The following APBA1 variants were observed in gnomAD, a reference collection of about 807,000 sequenced individuals.
The protein encoded by APBA1 is amyloid-beta A4 precursor protein-binding family A member 1.
Under a neutral mutation model 86.6 loss-of-function variants are expected in APBA1, and 55 were observed. That is an observed-to-expected ratio of 0.64 (90% CI 0.51 to 0.80). APBA1 has a LOEUF of 0.80. APBA1 is among the 30% of genes least tolerant of loss of function. The probability of loss-of-function intolerance (pLI) is 0.00; values close to 1 mark genes in which losing one functional copy is unlikely to be tolerated. For synonymous variants in APBA1, 511 were observed against 493.9 expected (o/e 1.03, Z -0.46); for missense variants, 1,090 against 1,183.0 (o/e 0.92, Z 1.15).
At chr9:69,434,960 A>C (rs1288649316) in intron 11 of APBA1, among the ~76,000 whole-genome samples, 3 of 85,970 alleles carry the variant, frequency 3.5e-5, no homozygotes, top group Non-Finnish European at 4.3e-5. Flanking sequence ...CCCACCCCAC[A>C]ACAGTCCCCA....
At chr9:69,525,030 TC>T in intron 1 of APBA1, among the ~76,000 whole-genome samples, 1 of 152,194 alleles carries the variant, frequency 6.6e-6, no homozygotes, top group East Asian at 1.9e-4. Context: ...AAATCCAACA[TC>T]CCTTCATGAT....
intron 7 of APBA1, 72 bp from the exon 8 acceptor site, chr9:69,456,504 A>G (rs775939545): frequency 3.0e-4 from 430 of 1,456,062 alleles, no homozygotes; most frequent in Non-Finnish European, 3.5e-4. Flanking sequence ...CTGCCACCTT[A>G]CAGCCAGTCA....
intron 8 of APBA1, 54 bp downstream of exon 8, chr9:69,456,193 C>A: frequency 6.3e-7 from 1 of 1,585,130 alleles, no homozygotes; most frequent in African/African-American, 1.3e-5. Context: ...GAATCAGGTT[C>A]TGAGAAGTCA....
At chr9:69,469,728 C>T (rs1018579917) in intron 4 of APBA1, among the ~76,000 whole-genome samples, 4 of 152,126 alleles carry the variant, frequency 2.6e-5, no homozygotes, top group African/African-American at 9.7e-5. Flanking sequence ...AATATATGAA[C>T]AGGTCTGAAT....
intron 1 of APBA1, among the ~76,000 whole-genome samples, chr9:69,548,301 T>C (rs1836729196): frequency 6.6e-6 from 1 of 152,146 alleles, no homozygotes; most frequent in Non-Finnish European, 1.5e-5. Context: ...AGTAAGAAAA[T>C]GGATCATCCC....
intron 1 of APBA1, among the ~76,000 whole-genome samples, chr9:69,614,780 G>T (rs569247695): frequency 2.6e-5 from 4 of 152,306 alleles, no homozygotes; most frequent in African/African-American, 9.6e-5. Context: ...TACTAATCAA[G>T]ATGAAGCAGA....
chr9:69,490,472 A>G (rs1243846066), intron 2 of APBA1, among the ~76,000 whole-genome samples: 5 of 151,924 alleles, frequency 3.3e-5, no homozygotes, highest in Non-Finnish European at 5.9e-5. Context: ...CTTAAAGTAT[A>G]ATAATAATAA....
rs542433576 is a variant in APBA1, at chr9:69,428,342, C to T, written c.*2985G>A. The T allele has an allele frequency of 6.6e-6, 1 of 152,444 alleles. No individual in the cohort carries two copies. Among genetic ancestry groups the T allele is most frequent in the East Asian group, 1.9e-4 (1 of 5,178 alleles). 9.4% of individuals were successfully genotyped at this position (152,444 alleles called of 1,614,324 possible). On this transcript the variant is annotated 3_prime_UTR_variant, in exon 13 of 13. Transcript: ENST00000265381. ...ACCCCTGCCATGCACTCCTAGGAGC[C>T]TGCTCTGGCGAGGGAAGGTGTCGCT...
intron 1 of APBA1, among the ~76,000 whole-genome samples, chr9:69,660,862 C>G (rs1459717905): frequency 3.9e-5 from 6 of 151,954 alleles, no homozygotes; most frequent in African/African-American, 1.5e-4. Flanking sequence ...TTTGAAAGGA[C>G]AAGAGAGATG....
At chr9:69,568,657 G>A in intron 1 of APBA1, among the ~76,000 whole-genome samples, 1 of 152,134 alleles carries the variant, frequency 6.6e-6, no homozygotes, top group East Asian at 1.9e-4. Context: ...GTCATCTGAG[G>A]GTCTTGATAA....
At chr9:69,621,415 A>G (rs1166262790) in intron 1 of APBA1, among the ~76,000 whole-genome samples, 1 of 152,144 alleles carries the variant, frequency 6.6e-6, no homozygotes, top group Non-Finnish European at 1.5e-5. Flanking sequence ...CCACCTTTCC[A>G]GTCAACCAGC....
intron 6 of APBA1, among the ~76,000 whole-genome samples, chr9:69,457,438 C>G (rs141304433): frequency 5.3e-5 from 8 of 152,332 alleles, no homozygotes; most frequent in African/African-American, 9.6e-5. Flanking sequence ...GTGGCCCTCT[C>G]TGTAAGGGTT....
chr9:69,506,182 A>G (rs1835960192), intron 2 of APBA1, among the ~76,000 whole-genome samples: 1 of 151,878 alleles, frequency 6.6e-6, no homozygotes, highest in Non-Finnish European at 1.5e-5. Flanking sequence ...AGGGAGTGCC[A>G]GACAGTGGGC....
At chr9:69,534,020 A>G (rs1836470823) in intron 1 of APBA1, among the ~76,000 whole-genome samples, 1 of 152,260 alleles carries the variant, frequency 6.6e-6, no homozygotes, top group Non-Finnish European at 1.5e-5. Context: ...TCTACTAAAC[A>G]AAAGAAAATA....
intron 10 of APBA1, among the ~76,000 whole-genome samples, chr9:69,444,506 C>T (rs1834876548): frequency 6.6e-6 from 1 of 152,188 alleles, no homozygotes; most frequent in Non-Finnish European, 1.5e-5. Context: ...TGGCCCTTCT[C>T]CCACCTCAAT....
At chr9:69,486,925 A>G (rs1835620506) in intron 2 of APBA1, among the ~76,000 whole-genome samples, 1 of 151,154 alleles carries the variant, frequency 6.6e-6, no homozygotes, top group Non-Finnish European at 1.5e-5. Context: ...GAAGAAGCCT[A>G]ATACTGGCAT....
At chr9:69,468,429 C>A (rs1000766753) in intron 4 of APBA1, among the ~76,000 whole-genome samples, 3 of 34,834 alleles carry the variant, frequency 8.6e-5, no homozygotes, top group Non-Finnish European at 1.5e-4. Flanking sequence ...TATTACTTGC[C>A]CCCCCCCATT....
At chr9:69,492,419 C>T (rs11138927) in intron 2 of APBA1, among the ~76,000 whole-genome samples, 16,156 of 151,442 alleles carry the variant, frequency 0.11, 1,032 homozygotes, top group East Asian at 0.28. Context: ...CAAACACCCA[C>T]GGGGATGTTT....
intron 10 of APBA1, among the ~76,000 whole-genome samples, chr9:69,443,000 C>T (rs954147405): frequency 6.6e-6 from 1 of 152,182 alleles, no homozygotes. Context: ...CAGAAATGAC[C>T]TATACCCCTT....
Sources: gnomAD v4.1 joint callset for allele counts (sites outside exome capture counted in the v4.1 genomes callset) on GRCh38, gnomAD v4.1.1 for gene constraint, MANE v1.5 for transcripts, NCBI Gene and HGNC (gene_info 2026-07-23, HGNC 2026-07-21) for gene names.